Variants in CACUL1 observed in about 807,000 individuals in gnomAD.
CACUL1 encodes the protein CDK2 associated cullin domain 1.
Under a neutral mutation model 45.2 loss-of-function variants are expected in CACUL1, and 13 were observed. That is an observed-to-expected ratio of 0.29 (90% CI 0.19 to 0.46). The LOEUF (loss-of-function observed/expected upper bound fraction) is 0.46, where lower values mean the gene tolerates loss of function less well. Ranked by LOEUF, CACUL1 falls within the 20% of genes least tolerant of loss-of-function variation. The pLI is 1.00. For missense variants in CACUL1, 421 were observed against 471.4 expected (o/e 0.89, Z 0.99); for synonymous variants, 197 against 174.2 (o/e 1.13, Z -1.03).
At chr10:118,703,118 CTT>C (rs1428904008) in intron 4 of CACUL1, among the ~76,000 whole-genome samples, 1 of 151,992 alleles carries the variant, frequency 6.6e-6, no homozygotes, top group Non-Finnish European at 1.5e-5. Flanking sequence ...ACGTTTCTCT[CTT>C]TAAAAAAATA....
chr10:118,687,993 A>T (rs934809501), intron 7 of CACUL1, among the ~76,000 whole-genome samples: 1 of 152,270 alleles, frequency 6.6e-6, no homozygotes, highest in Non-Finnish European at 1.5e-5. Flanking sequence ...AGTCTCATGG[A>T]TAAATTATTA....
intron 1 of CACUL1, among the ~76,000 whole-genome samples, chr10:118,748,686 A>C (rs1845867423): frequency 6.6e-6 from 1 of 152,202 alleles, no homozygotes; most frequent in South Asian, 2.1e-4. Flanking sequence ...CATTTGGTAT[A>C]ACACAAATAT....
intron 3 of CACUL1, among the ~76,000 whole-genome samples, chr10:118,722,686 T>A (rs1845612727): frequency 6.6e-6 from 1 of 152,224 alleles, no homozygotes; most frequent in South Asian, 2.1e-4. Context: ...TGTAAATGAT[T>A]CCTTTAAATG....
rs866319440 is a variant in CACUL1, at chr10:118,742,634, C to T, written c.367+11762G>A. On this transcript the variant is annotated intron_variant, in intron 1 of 8. Transcript: ENST00000369151. ...GATCAATCTGAAAACCCTGACCTCA[C>T]GAAACCCTGCTTACACACCCCCCTC... is the stretch of plus-strand genomic sequence containing the variant. 2.0e-5 allele frequency among the ~76,000 whole-genome samples: 3 copies of T among 152,052 alleles called. No homozygotes were observed. The East Asian group carries it at 5.8e-4, about 29-fold the overall frequency.
At position 118,680,748 on chromosome 10, in the gene CACUL1, A is replaced by T. The variant is rs1457019200; in HGVS notation, c.*5380T>A. 1 of 152,228 alleles carries T rather than the reference A, an allele frequency of 6.6e-6. No homozygotes were observed. Among genetic ancestry groups the T allele is most frequent in the Non-Finnish European group, 1.5e-5 (1 of 68,034 alleles). 9.4% of individuals were successfully genotyped at this position (152,228 alleles called of 1,614,324 possible). On this transcript the variant is annotated 3_prime_UTR_variant, in exon 9 of 9. Coordinates refer to ENST00000369151, the MANE Select transcript of CACUL1 (RefSeq NM_153810.5). The stretch of plus-strand genomic sequence containing the variant: ...ATGAATATAGAATAGATATGACCAT[A>T]TGTATATTGTTACACACTGTTTTTT...
At chr10:118,706,844 AT>A (rs1348322565) in intron 4 of CACUL1, among the ~76,000 whole-genome samples, 1 of 152,222 alleles carries the variant, frequency 6.6e-6, no homozygotes, top group Non-Finnish European at 1.5e-5. Flanking sequence ...GGAAAATAAC[AT>A]TTTTAAGATT....
intron 1 of CACUL1, among the ~76,000 whole-genome samples, chr10:118,751,977 G>A (rs539215377): frequency 6.6e-6 from 1 of 151,954 alleles, no homozygotes; most frequent in South Asian, 2.1e-4. Context: ...ATCTTTACTA[G>A]TTATCACTAG....
intron 4 of CACUL1, among the ~76,000 whole-genome samples, chr10:118,705,612 GTCTT>G (rs1257718008): frequency 6.6e-6 from 1 of 152,048 alleles, no homozygotes; most frequent in Non-Finnish European, 1.5e-5. Context: ...AAAAATAAAT[GTCTT>G]TATTTGACCT....
At chr10:118,696,985 T>TGATAGC (rs1257149587) in intron 5 of CACUL1, among the ~76,000 whole-genome samples, 1 of 139,630 alleles carries the variant, frequency 7.2e-6, no homozygotes, top group African/African-American at 2.9e-5. Context: ...ATGTCAAATT[T>TGATAGC]GATAAAGAAA....
At chr10:118,709,612 A>G (rs1229874712) in intron 3 of CACUL1, among the ~76,000 whole-genome samples, 3 of 152,236 alleles carry the variant, frequency 2.0e-5, no homozygotes, top group Admixed American at 6.5e-5. Context: ...CTTATCAATC[A>G]TATCTTACAC....
intron 7 of CACUL1, among the ~76,000 whole-genome samples, chr10:118,688,127 C>T (rs1845226718): frequency 6.6e-6 from 1 of 152,190 alleles, no homozygotes; most frequent in African/African-American, 2.4e-5. Flanking sequence ...AGGTAAGGAG[C>T]CTCAACTGAC....
At chr10:118,711,775 A>G (rs1845487893) in intron 3 of CACUL1, among the ~76,000 whole-genome samples, 1 of 152,264 alleles carries the variant, frequency 6.6e-6, no homozygotes, top group African/African-American at 2.4e-5. Context: ...ATGTCAGAAC[A>G]CAGCTTTTTC....
Position 118,694,958 on chromosome 10 carries a change from T to C in CACUL1, c.886+183A>G, listed in dbSNP as rs1181665553. ...AAAAACCACACTAGTTGGTTTCCAC[T>C]AGCAGAGAACATTCCAACTGAGCTC... On this transcript the variant is annotated intron_variant, in intron 6 of 8. Coordinates refer to ENST00000369151, the MANE Select transcript of CACUL1 (RefSeq NM_153810.5). 10 of 470,280 alleles carry C rather than the reference T, an allele frequency of 2.1e-5. No individual in the cohort carries two copies. In the East Asian group the frequency reaches 3.5e-4, roughly 16 times the overall value. The allele number at this position is 470,280 out of a possible 1,614,324, so 29.1% of individuals were successfully genotyped here.
At position 118,685,951 on chromosome 10, in the gene CACUL1, T is replaced by C; in HGVS notation, c.*177A>G. The stretch of plus-strand genomic sequence containing the variant: ...CCCAAGTCTAGCAGCAACGTTTTTT[T>C]TTTTTTTAGTTTTTGTTTTAAAATT... On this transcript the variant is annotated 3_prime_UTR_variant, in exon 9 of 9. Transcript: ENST00000369151. 1 of 415,174 alleles carries C rather than the reference T, an allele frequency of 2.4e-6. No individual in the cohort carries two copies. Among genetic ancestry groups the C allele is most frequent in the Non-Finnish European group, 4.3e-6 (1 of 230,780 alleles). 25.7% of individuals were successfully genotyped at this position (415,174 alleles called of 1,614,324 possible). A position where few individuals can be genotyped will look rare whatever the true frequency, so the allele number is the denominator to read the frequency against.
chr10:118,745,664 G>T (rs934382528), intron 1 of CACUL1, among the ~76,000 whole-genome samples: 2 of 152,130 alleles, frequency 1.3e-5, no homozygotes, highest in African/African-American at 4.8e-5. Flanking sequence ...CTACCATATT[G>T]GTAACTACAT....
chr10:118,682,396 G>A lies in CACUL1; in HGVS notation c.*3732C>T, dbSNP rs1001457957. The A allele has an allele frequency of 4.6e-5, 7 of 152,088 alleles. No individual in the cohort carries two copies. In the South Asian group the frequency reaches 6.2e-4, roughly 14 times the overall value. The allele number at this position is 152,088 out of a possible 1,614,324, so 9.4% of individuals were successfully genotyped here. ...CAAAAATAATTAACTGCTATAAAAC[G>A]GGAAAAAAAGTAGAAGAAAATAAAG... On this transcript the variant is annotated 3_prime_UTR_variant, in exon 9 of 9. Coordinates refer to ENST00000369151, the MANE Select transcript of CACUL1 (RefSeq NM_153810.5).
chr10:118,681,310 C>A lies in CACUL1; in HGVS notation c.*4818G>T, dbSNP rs1845150981. 1 of 152,208 alleles carries A rather than the reference C, an allele frequency of 6.6e-6. No homozygotes were observed. The highest frequency in any genetic ancestry group is 2.4e-5 in the African/African-American group (1 of 41,448). 9.4% of individuals were successfully genotyped at this position (152,208 alleles called of 1,614,324 possible). ...GCTCGTGCTTGCCCTCCAAATTTTT[C>A]ATAAGCATTCCTGTTACTAGCCATA... On this transcript the variant is annotated 3_prime_UTR_variant, in exon 9 of 9. Transcript: ENST00000369151.
chr10:118,691,201 T>C, intron 7 of CACUL1, 64 bp downstream of exon 7: 1 of 1,444,870 alleles, frequency 6.9e-7, no homozygotes, highest in Admixed American at 2.0e-5. Context: ...TTCTCCCATG[T>C]CAAGCCAGAC....
At chr10:118,713,032 G>A (rs1428175329) in intron 3 of CACUL1, among the ~76,000 whole-genome samples, 2 of 152,358 alleles carry the variant, frequency 1.3e-5, no homozygotes, top group South Asian at 2.1e-4. Context: ...CGCCCAGGCT[G>A]TAGGTGCCAA....
Sources: allele counts gnomAD v4.1 joint callset (sites outside exome capture counted in the v4.1 genomes callset), GRCh38; gene constraint gnomAD v4.1.1; transcripts MANE v1.5; gene names NCBI Gene and HGNC (gene_info 2026-07-23, HGNC 2026-07-21).